YIPF7: variants seen among roughly 807,000 people sequenced by gnomAD.
The protein encoded by YIPF7 is protein YIPF7.
In YIPF7, 35 loss-of-function variants were observed where a neutral mutation model predicts 27.2. The observed-to-expected ratio is 1.29, with a 90% CI of 0.98 to 1.70. YIPF7 has a LOEUF of 1.70. Ranked by LOEUF, YIPF7 falls within the 40% of genes most tolerant of loss-of-function variation. The probability of loss-of-function intolerance (pLI) is 0.00; values close to 1 mark genes in which losing one functional copy is unlikely to be tolerated. For synonymous variants in YIPF7, 137 were observed against 110.4 expected, an observed-to-expected ratio of 1.24 and a Z score of -1.51; for missense variants, 358 against 303.7, an observed-to-expected ratio of 1.18 and a Z score of -1.33.
rs181179594 is a variant in YIPF7, at chr4:44,647,093, G to A, written c.116+2892C>T. ...ATTCCTGAGATGCACAGTGTGAATC[G>A]GAATTTAAATGTTGCTGCATCCAAA... On this transcript the variant is annotated intron_variant, in intron 2 of 5. Coordinates refer to ENST00000415895, the MANE Select transcript of YIPF7 (RefSeq NM_182592.3). Among the ~76,000 whole-genome samples the A allele has an allele frequency of 3.3e-5, 5 of 152,190 alleles. No homozygotes were observed. The East Asian group carries it at 7.7e-4, about 23-fold the overall frequency.
At chr4:44,627,490 T>C (rs1231133859) in intron 4 of YIPF7, among the ~76,000 whole-genome samples, 1 of 152,178 alleles carries the variant, frequency 6.6e-6, no homozygotes, top group African/African-American at 2.4e-5. Flanking sequence ...GTAAAATCAC[T>C]CTTACATTTT....
chr4:44,653,552 G>A (rs1713802393), upstream of YIPF7, among the ~76,000 whole-genome samples: 1 of 152,066 alleles, frequency 6.6e-6, no homozygotes, highest in East Asian at 1.9e-4. Flanking sequence ...TGAGTTATAT[G>A]AACTGAGGAA....
intron 2 of YIPF7, among the ~76,000 whole-genome samples, chr4:44,659,385 A>G (rs1560332603): frequency 6.6e-6 from 1 of 152,148 alleles, no homozygotes; most frequent in Non-Finnish European, 1.5e-5. Context: ...AAATAATGCA[A>G]ATGATAGTAT....
chr4:44,647,585 T>C (rs762797344), intron 2 of YIPF7, among the ~76,000 whole-genome samples: 24 of 152,174 alleles, frequency 1.6e-4, no homozygotes, highest in Non-Finnish European at 4.4e-5. Context: ...AACATTTTCC[T>C]GTTTTTTTTC....
chr4:44,660,794 A>AC (rs1714026849), intron 1 of YIPF7, among the ~76,000 whole-genome samples: 1 of 152,194 alleles, frequency 6.6e-6, no homozygotes. Flanking sequence ...CAAGGGGACT[A>AC]TTAGTGGAAG....
chr4:44,645,847 T>A (rs1023437937), intron 2 of YIPF7, among the ~76,000 whole-genome samples: 3 of 152,050 alleles, frequency 2.0e-5, no homozygotes, highest in African/African-American at 7.2e-5. Flanking sequence ...TAAATACATA[T>A]ACATTCATTG....
chr4:44,644,871 G>A (rs1382435897), intron 2 of YIPF7, among the ~76,000 whole-genome samples: 3 of 152,102 alleles, frequency 2.0e-5, no homozygotes, highest in African/African-American at 7.2e-5. Context: ...TCTCATAGAT[G>A]GTTTAGCACC....
At chr4:44,644,823 G>A (rs1713467736) in intron 2 of YIPF7, among the ~76,000 whole-genome samples, 2 of 152,136 alleles carry the variant, frequency 1.3e-5, no homozygotes, top group Non-Finnish European at 2.9e-5. Flanking sequence ...AGCTGGAGGT[G>A]GGGCCTAGAG....
chr4:44,631,925 T>C (rs1712914259), intron 3 of YIPF7, among the ~76,000 whole-genome samples: 1 of 152,180 alleles, frequency 6.6e-6, no homozygotes, highest in African/African-American at 2.4e-5. Flanking sequence ...AAATGGTATT[T>C]AATTCCAAAT....
At chr4:44,657,211 G>C (rs1713924583) in intron 2 of YIPF7, among the ~76,000 whole-genome samples, 1 of 152,134 alleles carries the variant, frequency 6.6e-6, no homozygotes, top group South Asian at 2.1e-4. Context: ...ATTTCATAAA[G>C]AGTATCTCTA....
chr4:44,642,330 A>T (rs998994867), intron 2 of YIPF7, among the ~76,000 whole-genome samples: 3 of 152,192 alleles, frequency 2.0e-5, no homozygotes, highest in Non-Finnish European at 4.4e-5. Context: ...AAGAAAGTAA[A>T]ATGTTAAAAT....
At chr4:44,625,187 T>C (rs1712592147) in intron 4 of YIPF7, among the ~76,000 whole-genome samples, 1 of 152,212 alleles carries the variant, frequency 6.6e-6, no homozygotes, top group African/African-American at 2.4e-5. Context: ...TTAGTAAAAT[T>C]AGCAAACACC....
At chr4:44,638,069 T>C (rs1436345023) in intron 2 of YIPF7, among the ~76,000 whole-genome samples, 1 of 152,028 alleles carries the variant, frequency 6.6e-6, no homozygotes, top group Non-Finnish European at 1.5e-5. Flanking sequence ...GATATATAAA[T>C]GGCCAAGAAA....
chr4:44,625,935 A>G (rs559528090), intron 4 of YIPF7, among the ~76,000 whole-genome samples: 1 of 152,332 alleles, frequency 6.6e-6, no homozygotes, highest in East Asian at 1.9e-4. Context: ...AAAACAATGA[A>G]GGATCTGATA....
In YIPF7 at chr4:44,624,666, G is replaced by A. The variant is rs370783649; in HGVS notation, c.543C>T (p.Ser181=). 7.5e-6 allele frequency: 12 copies of A among 1,605,836 alleles called. No homozygotes were observed. Among genetic ancestry groups the A allele is most frequent in the African/African-American group, 2.7e-5 (2 of 74,772 alleles). ...TGGGGAGCAGGCAGTAACCCAGCAC[G>A]CTGGCCACACAGCCGTACGACACCC... The part of the protein sequence containing the change: ...SSGVSYGCVA[S]VLGYCLLPMV... The change falls in exon 5 of 6, where the codon AGC becomes AGT. Residue 181 remains serine (S), a synonymous_variant. Transcript: ENST00000415895.
chr4:44,658,058 A>G (rs1713948626), intron 2 of YIPF7, among the ~76,000 whole-genome samples: 1 of 152,126 alleles, frequency 6.6e-6, no homozygotes, highest in Admixed American at 6.5e-5. Flanking sequence ...ACCTTTATAA[A>G]AAATAAATAA....
intron 2 of YIPF7, among the ~76,000 whole-genome samples, chr4:44,641,892 A>G (rs1021916863): frequency 2.6e-5 from 4 of 152,236 alleles, no homozygotes; most frequent in African/African-American, 4.8e-5. Context: ...TCTATTTTCC[A>G]GCAAAATAGG....
In YIPF7 at chr4:44,629,575, T is replaced by C. The variant is rs571016096; in HGVS notation, c.281-27A>G. ...TGTAAAAAGGAAAAAAGATAAATAA[T>C]ATGATAACATAAATATAGAAAAATA... On this transcript the variant is annotated intron_variant, in intron 3 of 5. Transcript: ENST00000415895. 82 of 1,457,874 alleles carry C rather than the reference T, an allele frequency of 5.6e-5. No homozygotes were observed. The South Asian group carries it at 1.0e-3, about 19-fold the overall frequency. The allele number at this position is 1,457,874 out of a possible 1,614,324, so 90.3% of individuals were successfully genotyped here.
intron 3 of YIPF7, among the ~76,000 whole-genome samples, chr4:44,631,724 C>T (rs1712904014): frequency 6.6e-6 from 1 of 151,438 alleles, no homozygotes; most frequent in South Asian, 2.1e-4. Flanking sequence ...GAGCAGTTCA[C>T]CAAGCTTAAA....
Sources: allele counts gnomAD v4.1 joint callset (sites outside exome capture counted in the v4.1 genomes callset), GRCh38; gene constraint gnomAD v4.1.1; transcripts MANE v1.5; gene names NCBI Gene and HGNC (gene_info 2026-07-23, HGNC 2026-07-21).